The following TOX variants were observed in gnomAD, a reference collection of about 807,000 sequenced individuals.
TOX encodes thymocyte selection associated high mobility group box.
TOX carries 11 observed loss-of-function variants against 53.7 expected under a neutral mutation model. The ratio of observed to expected loss-of-function variants is 0.20; its 90% CI spans 0.13 to 0.34. TOX has a LOEUF of 0.34. Ranked by LOEUF, TOX falls within the 10% of genes least tolerant of loss-of-function variation. The pLI, the probability that TOX is intolerant of heterozygous loss-of-function variation, is 1.00. For synonymous variants in TOX, 225 were observed against 245.3 expected, an observed-to-expected ratio of 0.92 and a Z score of 0.77; for missense variants, 570 against 664.6, an observed-to-expected ratio of 0.86 and a Z score of 1.56.
At chr8:58,978,291 T>C (rs1250192233) in intron 1 of TOX, among the ~76,000 whole-genome samples, 1 of 152,148 alleles carries the variant, frequency 6.6e-6, no homozygotes, top group Admixed American at 6.5e-5. Flanking sequence ...CACTTCAGTC[T>C]GCATGGAATT....
chr8:58,907,922 A>G (rs1214284917), intron 3 of TOX, among the ~76,000 whole-genome samples: 1 of 152,210 alleles, frequency 6.6e-6, no homozygotes, highest in Non-Finnish European at 1.5e-5. Context: ...AGAAAGATCC[A>G]AACTTTTTTC....
intron 1 of TOX, among the ~76,000 whole-genome samples, chr8:59,081,997 T>C (rs1329871159): frequency 6.6e-6 from 1 of 152,196 alleles, no homozygotes; most frequent in African/African-American, 2.4e-5. Flanking sequence ...TTTAGTTGAA[T>C]ATTTGTCAAC....
intron 1 of TOX, among the ~76,000 whole-genome samples, chr8:58,981,716 T>C (rs1334183161): frequency 1.3e-5 from 2 of 152,118 alleles, no homozygotes; most frequent in Non-Finnish European, 2.9e-5. Flanking sequence ...CACAGAAAAG[T>C]CCACCCGAAC....
At position 59,087,865 on chromosome 8, in the gene TOX, T is replaced by C. The variant is rs116779965; in HGVS notation, c.102+31021A>G. Among the ~76,000 whole-genome samples, 1,323 of 152,314 alleles carry C rather than the reference T, an allele frequency of 8.7e-3. 28 individuals are homozygous for C. Among genetic ancestry groups the C allele is most frequent in the African/African-American group, 0.03 (1,262 of 41,562 alleles). ...AATTTTGCCATGTCACAACCGATTA[T>C]GTTTCACAAGAAAAGGTGGAGTGCT... On this transcript the variant is annotated intron_variant, in intron 1 of 8. Transcript: ENST00000361421.
chr8:58,923,642 ATGC>A (rs2129174966), intron 3 of TOX, among the ~76,000 whole-genome samples: 1 of 152,304 alleles, frequency 6.6e-6, no homozygotes, highest in East Asian at 1.9e-4. Flanking sequence ...AGGGAGAGTG[ATGC>A]TTTAAACTGT....
At chr8:58,852,244 C>A (rs1385355225) in intron 3 of TOX, among the ~76,000 whole-genome samples, 1 of 152,030 alleles carries the variant, frequency 6.6e-6, no homozygotes, top group Non-Finnish European at 1.5e-5. Context: ...ATTCATTAAA[C>A]CCTGTTTGTT....
At chr8:58,870,096 AATAAAGGGTTGAACAG>A (rs1811172578) in intron 3 of TOX, among the ~76,000 whole-genome samples, 4 of 152,286 alleles carry the variant, frequency 2.6e-5, no homozygotes, top group Admixed American at 2.6e-4. Context: ...AATGCAAGAA[AATAAAGGGTTGAACAG>A]ATCGGAAAGG....
chr8:58,994,391 AGTGTGTGTGTGT>A (rs34690974), intron 1 of TOX, among the ~76,000 whole-genome samples: 2 of 147,064 alleles, frequency 1.4e-5, no homozygotes, highest in Admixed American at 6.7e-5. Context: ...CAAAATGCCA[AGTGTGTGTGTGT>A]GTGTGTGTGT....
intron 7 of TOX, among the ~76,000 whole-genome samples, chr8:58,814,163 T>A (rs892980256): frequency 1.3e-5 from 2 of 152,178 alleles, no homozygotes; most frequent in African/African-American, 4.8e-5. Context: ...GTAATAATAA[T>A]AATGAATTGG....
At chr8:59,027,348 T>TA (rs1309478345) in intron 1 of TOX, among the ~76,000 whole-genome samples, 1 of 152,052 alleles carries the variant, frequency 6.6e-6, no homozygotes, top group East Asian at 1.9e-4. Flanking sequence ...ACTTCAGATT[T>TA]AAAAAAAGTG....
chr8:58,904,775 C>T (rs1204276390), intron 3 of TOX, among the ~76,000 whole-genome samples: 1 of 152,156 alleles, frequency 6.6e-6, no homozygotes, highest in African/African-American at 2.4e-5. Flanking sequence ...GACTGCCACA[C>T]AGTAGGAGCT....
chr8:59,081,736 C>G (rs1055993911), intron 1 of TOX, among the ~76,000 whole-genome samples: 3 of 152,100 alleles, frequency 2.0e-5, no homozygotes, highest in Non-Finnish European at 4.4e-5. Context: ...CCTTTGGCAT[C>G]AAGTTCAAAG....
At chr8:59,040,055 C>G (rs569021691) in intron 1 of TOX, among the ~76,000 whole-genome samples, 1 of 152,142 alleles carries the variant, frequency 6.6e-6, no homozygotes, top group Non-Finnish European at 1.5e-5. Context: ...ATCGGCCGGG[C>G]GCGGCGGCTC....
intron 7 of TOX, 111 bp downstream of exon 7, chr8:58,815,227 G>C: frequency 7.3e-7 from 1 of 1,375,320 alleles, no homozygotes; most frequent in Non-Finnish European, 9.7e-7. Flanking sequence ...TAAATAGAAG[G>C]ATAGAAAACA....
intron 1 of TOX, among the ~76,000 whole-genome samples, chr8:58,991,141 C>A (rs539057278): frequency 3.2e-4 from 49 of 152,306 alleles, no homozygotes; most frequent in Admixed American, 1.3e-3. Flanking sequence ...ACCACTACCC[C>A]ATGGTCCCAA....
intron 1 of TOX, among the ~76,000 whole-genome samples, chr8:58,963,314 T>TATACATAG (rs71557744): frequency 3.1e-5 from 4 of 130,648 alleles, no homozygotes; most frequent in Non-Finnish European, 7.0e-5. Flanking sequence ...TAGATATATA[T>TATACATAG]ATAGATAGAT....
intron 2 of TOX, among the ~76,000 whole-genome samples, chr8:58,958,664 T>C (rs563790953): frequency 6.6e-6 from 1 of 152,336 alleles, no homozygotes; most frequent in African/African-American, 2.4e-5. Context: ...GAATTCTAAA[T>C]GCAAAGCTCA....
At chr8:59,112,805 T>G (rs1480493230) in intron 1 of TOX, among the ~76,000 whole-genome samples, 1 of 152,238 alleles carries the variant, frequency 6.6e-6, no homozygotes, top group African/African-American at 2.4e-5. Context: ...TGCTACAATC[T>G]TGTTTTCTGA....
chr8:58,942,679 A>G (rs1461930817), intron 2 of TOX, among the ~76,000 whole-genome samples: 1 of 152,164 alleles, frequency 6.6e-6, no homozygotes, highest in East Asian at 1.9e-4. Context: ...TGAGAGCTTT[A>G]TTTTGATTTT....
Sources: gnomAD v4.1 joint callset for allele counts (sites outside exome capture counted in the v4.1 genomes callset) on GRCh38, gnomAD v4.1.1 for gene constraint, MANE v1.5 for transcripts, NCBI Gene and HGNC (gene_info 2026-07-23, HGNC 2026-07-21) for gene names.